Variants in PDE4D observed in about 807,000 individuals in gnomAD.
PDE4D encodes 3',5'-cyclic-AMP phosphodiesterase 4D.
In PDE4D, 24 loss-of-function variants were observed where a neutral mutation model predicts 87.4. The observed-to-expected ratio is 0.27, with a 90% CI of 0.20 to 0.39. The LOEUF (loss-of-function observed/expected upper bound fraction) is 0.39. Among genes scored for constraint, PDE4D ranks in the 10% least tolerant of loss-of-function variants. PDE4D has a pLI of 1.00. For missense variants in PDE4D, 714 were observed against 1,041.0 expected (o/e 0.69, Z 4.32); for synonymous variants, 384 against 383.2 (o/e 1.00, Z -0.02).
chr5:58,992,508 C>CT (rs953569210), intron 7 of PDE4D, among the ~76,000 whole-genome samples: 1 of 152,068 alleles, frequency 6.6e-6, no homozygotes, highest in African/African-American at 2.4e-5. Flanking sequence ...ACTGTGGGAG[C>CT]TGAAACAGCA....
intron 6 of PDE4D, among the ~76,000 whole-genome samples, chr5:59,027,251 A>G (rs938550724): frequency 9.9e-5 from 15 of 152,216 alleles, no homozygotes; most frequent in Non-Finnish European, 2.1e-4. Flanking sequence ...ACAGATTAAA[A>G]GTGCCATTTT....
At chr5:59,878,249 A>G (rs1199130713) in intron 1 of PDE4D, among the ~76,000 whole-genome samples, 2 of 152,232 alleles carry the variant, frequency 1.3e-5, no homozygotes, top group East Asian at 1.9e-4. Flanking sequence ...ATGCTTTCAC[A>G]ATCAAAAAGC....
At chr5:60,068,755 A>G (rs1458977015) in intron 2 of PDE4D, among the ~76,000 whole-genome samples, 1 of 152,006 alleles carries the variant, frequency 6.6e-6, no homozygotes, top group Non-Finnish European at 1.5e-5. Context: ...AGCCTACCAT[A>G]TCCAGCTAAT....
At chr5:59,857,992 A>C (rs1745705690) in intron 1 of PDE4D, among the ~76,000 whole-genome samples, 1 of 149,284 alleles carries the variant, frequency 6.7e-6, no homozygotes, top group Non-Finnish European at 1.5e-5. Flanking sequence ...AGATGAAGGA[A>C]GGAAGGAAGG....
At chr5:59,694,325 G>T (rs1457395199) in intron 1 of PDE4D, among the ~76,000 whole-genome samples, 1 of 152,160 alleles carries the variant, frequency 6.6e-6, no homozygotes, top group Non-Finnish European at 1.5e-5. Context: ...CTGGGAAGAT[G>T]GTTAGGTCAG....
intron 1 of PDE4D, among the ~76,000 whole-genome samples, chr5:59,889,280 A>T (rs947719580): frequency 2.0e-5 from 3 of 151,078 alleles, no homozygotes; most frequent in Non-Finnish European, 4.4e-5. Flanking sequence ...ATATGCGCAG[A>T]ATTTATATTT....
intron 6 of PDE4D, chr5:58,999,569 GTA>G: frequency 3.5e-6 from 2 of 571,550 alleles, no homozygotes; most frequent in Non-Finnish European, 4.7e-6. Flanking sequence ...ATATATATAT[GTA>G]TATATATAGT....
chr5:59,881,374 G>A (rs563934645), intron 1 of PDE4D, among the ~76,000 whole-genome samples: 15 of 151,922 alleles, frequency 9.9e-5, no homozygotes, highest in South Asian at 8.3e-4. Context: ...TTTATTTGCC[G>A]TCTCCTTAAA....
chr5:60,254,721 A>G (rs1748861203), intron 1 of PDE4D, among the ~76,000 whole-genome samples: 1 of 151,914 alleles, frequency 6.6e-6, no homozygotes, highest in Non-Finnish European at 1.5e-5. Flanking sequence ...TGATACTTAG[A>G]CATCATCTGA....
intron 1 of PDE4D, among the ~76,000 whole-genome samples, chr5:60,229,305 T>C (rs1745530700): frequency 6.6e-6 from 1 of 152,136 alleles, no homozygotes; most frequent in African/African-American, 2.4e-5. Flanking sequence ...GCTTATGATG[T>C]ATTATTTGCA....
Position 60,309,991 on chromosome 5 carries a change from C to T in PDE4D, c.-89-124304G>A, listed in dbSNP as rs1754862062. 1.3e-5 allele frequency among the ~76,000 whole-genome samples: 2 copies of T among 152,164 alleles called. 1 individual carries two copies. The highest frequency in any genetic ancestry group is 4.8e-5 in the African/African-American group (2 of 41,432). On this transcript the variant is annotated intron_variant, in intron 1 of 16. Transcript: ENST00000502484. ...GTAACATCATTTGAGTGCACTTATT[C>T]TCCTTGACTTCACTTTGGAGTTTTG...
At chr5:60,016,625 A>G (rs1200620502) in intron 2 of PDE4D, among the ~76,000 whole-genome samples, 2 of 152,196 alleles carry the variant, frequency 1.3e-5, no homozygotes, top group East Asian at 1.9e-4. Flanking sequence ...CTTTGCTGCT[A>G]TTTCAACAAT....
intron 5 of PDE4D, among the ~76,000 whole-genome samples, chr5:59,114,171 AT>A (rs35182359): frequency 0.051 from 7,774 of 151,000 alleles, 249 homozygotes; most frequent in South Asian, 0.09. Flanking sequence ...ATGCAGAAAA[AT>A]TTTTTTTTTG....
chr5:59,233,957 C>T (rs1015674699), intron 1 of PDE4D, among the ~76,000 whole-genome samples: 1 of 152,062 alleles, frequency 6.6e-6, no homozygotes, highest in African/African-American at 2.4e-5. Context: ...TCAGGATGAC[C>T]AAATTCATGG....
chr5:59,039,332 G>A (rs1466612310), intron 5 of PDE4D: 1 of 1,038,476 alleles, frequency 9.6e-7, no homozygotes, highest in Non-Finnish European at 1.2e-6. Flanking sequence ...CGGCTCTAGC[G>A]GATGGCGAGG....
intron 1 of PDE4D, among the ~76,000 whole-genome samples, chr5:59,465,897 T>C (rs1015012783): frequency 1.3e-5 from 2 of 152,228 alleles, no homozygotes; most frequent in African/African-American, 4.8e-5. Context: ...AATCTCAGAC[T>C]CAGGTGGACT....
intron 1 of PDE4D, among the ~76,000 whole-genome samples, chr5:59,641,520 T>C (rs1741580714): frequency 6.6e-6 from 1 of 152,126 alleles, no homozygotes; most frequent in South Asian, 2.1e-4. Context: ...TTTGTTTTAA[T>C]AAAAATCACA....
In PDE4D at chr5:60,374,664, T is replaced by C. The variant is rs1761295849; in HGVS notation, c.-90+113278A>G. The stretch of plus-strand genomic sequence containing the variant: ...GCAAACAGAATAGAGCAAGCACAGG[T>C]CACGTAAGATACTATCATATCTCTT... On this transcript the variant is annotated intron_variant, in intron 1 of 16. Transcript: ENST00000502484. Among the ~76,000 whole-genome samples the C allele has an allele frequency of 2.6e-5, 4 of 152,210 alleles. No individual in the cohort carries two copies. In the South Asian group the frequency reaches 8.3e-4, roughly 32 times the overall value.
chr5:59,660,457 T>C (rs1365968815), intron 1 of PDE4D, among the ~76,000 whole-genome samples: 6 of 152,196 alleles, frequency 3.9e-5, no homozygotes, highest in African/African-American at 1.4e-4. Context: ...GAGGCTTCAT[T>C]ATTTTTTTCC....
Sources: allele counts gnomAD v4.1 joint callset (sites outside exome capture counted in the v4.1 genomes callset), GRCh38; gene constraint gnomAD v4.1.1; transcripts MANE v1.5; gene names NCBI Gene and HGNC (gene_info 2026-07-23, HGNC 2026-07-21).